The following GALNT2 variants were observed in gnomAD, a reference collection of about 807,000 sequenced individuals.
GALNT2 encodes polypeptide N-acetylgalactosaminyltransferase 2.
GALNT2 carries 31 observed loss-of-function variants against 81.4 expected under a neutral mutation model. The ratio of observed to expected loss-of-function variants is 0.38; its 90% confidence interval spans 0.29 to 0.51. The LOEUF (loss-of-function observed/expected upper bound fraction) is 0.51. Among genes scored for constraint, GALNT2 ranks in the 20% least tolerant of loss-of-function variants. The pLI, the probability that GALNT2 is intolerant of heterozygous loss-of-function variation, is 0.87. For missense variants in GALNT2, 629 were observed against 765.7 expected (o/e 0.82, Z 2.11); for synonymous variants, 303 against 287.4 (o/e 1.05, Z -0.55).
chr1:230,080,113 C>T (rs1242640918), intron 1 of GALNT2, among the ~76,000 whole-genome samples: 2 of 152,170 alleles, frequency 1.3e-5, no homozygotes, highest in South Asian at 2.1e-4. Flanking sequence ...GATTTTTCTC[C>T]CTAACTGGCA....
In GALNT2 at chr1:230,078,473, G is replaced by C. The variant is rs562448277; in HGVS notation, c.126+11067G>C. On this transcript the variant is annotated intron_variant, in intron 1 of 15. Transcript: ENST00000366672. ...TATTTTTGTAAAAAGCAGCTCAAAG[G>C]GTTTGTGATCGTATTAGTCCAGAGG... Among the ~76,000 whole-genome samples the C allele has an allele frequency of 4.6e-5, 7 of 152,330 alleles. No individual in the cohort carries two copies. The South Asian group carries it at 1.0e-3, about 23-fold the overall frequency.
Position 230,166,276 on chromosome 1 carries a change from C to T in GALNT2, c.127-11942C>T, listed in dbSNP as rs76327346. On this transcript the variant is annotated intron_variant, in intron 1 of 15. Transcript: ENST00000366672. The stretch of plus-strand genomic sequence containing the variant: ...TTTTAAATGAATAAAAAGAAACATA[C>T]AGTCCCTATGTATTTCTTGTTTGTT... 2.0e-3 allele frequency among the ~76,000 whole-genome samples: 301 copies of T among 152,290 alleles called. 5 individuals carry two copies. The East Asian group carries it at 0.03, about 15-fold the overall frequency.
chr1:230,209,865 G>A (rs959877570), intron 3 of GALNT2, among the ~76,000 whole-genome samples: 10 of 152,102 alleles, frequency 6.6e-5, no homozygotes, highest in Admixed American at 4.6e-4. Flanking sequence ...CCCGTCTGTG[G>A]TATTGTCAGC....
At chr1:230,170,371 AATG>A (rs1662752096) in intron 1 of GALNT2, among the ~76,000 whole-genome samples, 1 of 152,160 alleles carries the variant, frequency 6.6e-6, no homozygotes, top group Non-Finnish European at 1.5e-5. Flanking sequence ...TTTCTATTCT[AATG>A]ATGAGTAGGA....
At chr1:230,130,047 G>A (rs1227047117) in intron 1 of GALNT2, among the ~76,000 whole-genome samples, 2 of 152,218 alleles carry the variant, frequency 1.3e-5, no homozygotes, top group African/African-American at 4.8e-5. Context: ...AGAACGTGGA[G>A]CCCAAGTCTA....
chr1:230,098,503 T>C (rs1292533060), intron 1 of GALNT2, among the ~76,000 whole-genome samples: 1 of 151,630 alleles, frequency 6.6e-6, no homozygotes, highest in Non-Finnish European at 1.5e-5. Flanking sequence ...TCCCGTTTCT[T>C]AGAAAGAAAC....
chr1:230,167,962 C>CT (rs1553264430), intron 1 of GALNT2, among the ~76,000 whole-genome samples: 4 of 20,766 alleles, frequency 1.9e-4, no homozygotes, highest in Non-Finnish European at 1.3e-3. Flanking sequence ...TTCTAAAATA[C>CT]CCCCCCCTTT....
chr1:230,220,938 T>A (rs1664527639), intron 3 of GALNT2, among the ~76,000 whole-genome samples: 1 of 152,220 alleles, frequency 6.6e-6, no homozygotes, highest in Non-Finnish European at 1.5e-5. Context: ...ACTCCCCAAG[T>A]TCTCCTTTCT....
intron 8 of GALNT2, 124 bp from the exon 9 acceptor site, chr1:230,249,060 C>T: frequency 1.8e-5 from 17 of 959,894 alleles, no homozygotes; most frequent in Admixed American, 1.5e-4. Flanking sequence ...TCTTTTTTGG[C>T]TTTGTTTTGG....
At chr1:230,119,867 C>G (rs1660960041) in intron 1 of GALNT2, among the ~76,000 whole-genome samples, 1 of 152,140 alleles carries the variant, frequency 6.6e-6, no homozygotes, top group African/African-American at 2.4e-5. Flanking sequence ...GTGAAAGCTG[C>G]TTGAGGTGGG....
intron 1 of GALNT2, among the ~76,000 whole-genome samples, chr1:230,084,309 G>A (rs1659836779): frequency 6.6e-6 from 1 of 152,180 alleles, no homozygotes. Flanking sequence ...TCATCAGGAA[G>A]GGCCGAGGAG....
At chr1:230,224,909 T>G (rs74505700) in intron 3 of GALNT2, among the ~76,000 whole-genome samples, 8,347 of 152,368 alleles carry the variant, frequency 0.055, 263 homozygotes, top group Non-Finnish European at 0.065. Context: ...TGCAGAAGCC[T>G]GCGGTATTCA....
At chr1:230,058,423 C>G (rs1261152467) in intron 1 of GALNT2, among the ~76,000 whole-genome samples, 3 of 152,208 alleles carry the variant, frequency 2.0e-5, no homozygotes, top group Non-Finnish European at 4.4e-5. Flanking sequence ...CTGCCCCACC[C>G]TCTCCAGATA....
intron 1 of GALNT2, among the ~76,000 whole-genome samples, chr1:230,169,362 G>A (rs1662716104): frequency 6.6e-6 from 1 of 152,222 alleles, no homozygotes; most frequent in South Asian, 2.1e-4. Context: ...CTGAGGCTCA[G>A]AGAAGCAGCC....
rs189926581 is a variant in GALNT2 at position 230,074,702 on chromosome 1, C to G, written c.126+7296C>G. Among the ~76,000 whole-genome samples the G allele has an allele frequency of 3.6e-3, 553 of 152,266 alleles. 2 individuals are homozygous for G. The highest frequency in any genetic ancestry group is 0.013 in the African/African-American group (524 of 41,550). ...TGTGGGGAGGGCTAATATATTAATA[C>G]GTTTTAATTTTCAAAATTTAATAAA... On this transcript the variant is annotated intron_variant, in intron 1 of 15. Coordinates refer to ENST00000366672, the MANE Select transcript of GALNT2 (RefSeq NM_004481.5).
intron 1 of GALNT2, among the ~76,000 whole-genome samples, chr1:230,086,746 T>A (rs1393242479): frequency 6.6e-6 from 1 of 152,194 alleles, no homozygotes; most frequent in Non-Finnish European, 1.5e-5. Flanking sequence ...ATTCATGTGT[T>A]CGGGGCACAG....
At chr1:230,089,250 G>A (rs1463582834) in intron 1 of GALNT2, among the ~76,000 whole-genome samples, 1 of 151,324 alleles carries the variant, frequency 6.6e-6, no homozygotes, top group Non-Finnish European at 1.5e-5. Context: ...GGGTTCAAGC[G>A]ATTCTTCTGC....
intron 3 of GALNT2, among the ~76,000 whole-genome samples, chr1:230,232,216 G>A (rs572658063): frequency 1.2e-4 from 18 of 152,116 alleles, no homozygotes; most frequent in African/African-American, 4.3e-4. Context: ...TCTAACTCTG[G>A]GATGTAAAAT....
chr1:230,206,370 T>A (rs1365520035), intron 3 of GALNT2, among the ~76,000 whole-genome samples: 1 of 152,148 alleles, frequency 6.6e-6, no homozygotes, highest in Non-Finnish European at 1.5e-5. Flanking sequence ...TGGGTTTAAT[T>A]TTAGTTCCAG....
Sources: allele counts gnomAD v4.1 joint callset (sites outside exome capture counted in the v4.1 genomes callset), GRCh38; gene constraint gnomAD v4.1.1; transcripts MANE v1.5; gene names NCBI Gene and HGNC (gene_info 2026-07-23, HGNC 2026-07-21).